The following SLAMF7 variants were observed in gnomAD, a reference collection of about 807,000 sequenced individuals.
SLAMF7 encodes the protein SLAM family member 7, also known as 19A24 protein.
In SLAMF7, 26 loss-of-function variants were observed where a neutral mutation model predicts 34.1. The observed-to-expected ratio is 0.76, with a 90% CI of 0.56 to 1.06. The LOEUF (loss-of-function observed/expected upper bound fraction) is 1.06. Among genes scored for constraint, SLAMF7 ranks in the 50% least tolerant of loss-of-function variants. SLAMF7 has a pLI of 0.00. For synonymous variants in SLAMF7, 171 were observed against 156.4 expected (o/e 1.09, Z -0.70); for missense variants, 399 against 402.5 (o/e 0.99, Z 0.07).
chr1:160,742,950 G>A (rs995422071), intron 1 of SLAMF7, among the ~76,000 whole-genome samples: 26 of 152,214 alleles, frequency 1.7e-4, no homozygotes, highest in African/African-American at 5.8e-4. Flanking sequence ...CTACGGAGGC[G>A]GCAGAATGGA....
intron 3 of SLAMF7, 58 bp downstream of exon 3, chr1:160,750,151 C>T (rs1270123228): frequency 1.3e-6 from 2 of 1,586,636 alleles, no homozygotes; most frequent in Non-Finnish European, 1.7e-6. Context: ...CCTTCTTCAG[C>T]TCCTAGCCCC....
chr1:160,744,173 T>C (rs1663958501), intron 1 of SLAMF7, among the ~76,000 whole-genome samples: 2 of 152,212 alleles, frequency 1.3e-5, no homozygotes, highest in Admixed American at 1.3e-4. Flanking sequence ...TTAGATATGG[T>C]AAAACTCTAT....
At chr1:160,748,642 G>A in intron 2 of SLAMF7, 128 bp downstream of exon 2, 3 of 834,990 alleles carry the variant, frequency 3.6e-6, no homozygotes, top group Non-Finnish European at 3.7e-6. Flanking sequence ...ACTTCTGCAT[G>A]AATGAAATAG....
Position 160,750,442 on chromosome 1 carries a change from T to C in SLAMF7, c.769+19T>C, listed in dbSNP as rs1323495782. On this transcript the variant is annotated intron_variant, in intron 4 of 6. Transcript: ENST00000368043. The stretch of plus-strand genomic sequence containing the variant: ...CAAGAAGGTAGAGCGTGTACTATTT[T>C]TGTCCTCACCCACATTCATGTTTTT... 4.3e-6 allele frequency: 7 copies of C among 1,610,616 alleles called. No homozygotes were observed. The highest frequency in any genetic ancestry group is 5.9e-6 in the Non-Finnish European group (7 of 1,178,390).
chr1:160,747,218 G>C (rs1294616647), intron 1 of SLAMF7, among the ~76,000 whole-genome samples: 1 of 152,010 alleles, frequency 6.6e-6, no homozygotes, highest in South Asian at 2.1e-4. Context: ...CTACTATTTA[G>C]TTTTCTCATC....
At chr1:160,741,658 G>A (rs1250597996) in intron 1 of SLAMF7, among the ~76,000 whole-genome samples, 4 of 152,062 alleles carry the variant, frequency 2.6e-5, no homozygotes, top group South Asian at 2.1e-4. Context: ...GAAGCCTAAC[G>A]GAAGCAAGTC....
rs747909152 is a variant in SLAMF7 at position 160,748,158 on chromosome 1, G to C, written c.56-36G>C. 4 of 1,596,724 alleles carry C rather than the reference G, an allele frequency of 2.5e-6. No individual in the cohort carries two copies. The South Asian group carries it at 4.5e-5, about 18-fold the overall frequency. The stretch of plus-strand genomic sequence containing the variant: ...GTGAGTAATTGGTGACAAGGACAGG[G>C]AATCAGGCTTATTTTATGGTTCTCT... On this transcript the variant is annotated intron_variant, in intron 1 of 6. Coordinates refer to ENST00000368043, the MANE Select transcript of SLAMF7 (RefSeq NM_021181.5).
rs1417548851 is a variant in SLAMF7 at position 160,754,769 on chromosome 1, A to G, written c.*1592A>G. On this transcript the variant is annotated 3_prime_UTR_variant, in exon 7 of 7. Coordinates refer to ENST00000368043, the MANE Select transcript of SLAMF7 (RefSeq NM_021181.5). ...CTGCAAAACCCTATTGTAGTAAAAA[A>G]GTCTTCTTTACTATCTTAATAAAAC... 6.6e-6 allele frequency: 1 copy of G among 152,384 alleles called. No individual in the cohort carries two copies. The highest frequency in any genetic ancestry group is 2.4e-5 in the African/African-American group (1 of 41,472). 9.4% of individuals were successfully genotyped at this position (152,384 alleles called of 1,614,324 possible).
upstream of SLAMF7, chr1:160,739,149 C>G (rs531897179): frequency 1.2e-4 from 87 of 724,370 alleles, no homozygotes; most frequent in African/African-American, 1.1e-3. Context: ...GTAAAATGCT[C>G]TATTCACTCT....
At chr1:160,740,929 C>G (rs1663691799) in intron 1 of SLAMF7, among the ~76,000 whole-genome samples, 1 of 152,178 alleles carries the variant, frequency 6.6e-6, no homozygotes, top group African/African-American at 2.4e-5. Context: ...AGCTAGAAAG[C>G]TAGTGCTCTT....
In SLAMF7 at chr1:160,749,867, G is replaced by T. The variant is rs759179645; in HGVS notation, c.423G>T (p.Lys141Asn). 6.2e-7 allele frequency: 1 copy of T among 1,613,524 alleles called. No homozygotes were observed. The highest frequency in any genetic ancestry group is 2.2e-5 in the East Asian group (1 of 44,870). Residue 141 changes from lysine to asparagine, a missense_variant, in exon 3 of 7, where the codon AAG becomes AAT. Coordinates refer to ENST00000368043, the MANE Select transcript of SLAMF7 (RefSeq NM_021181.5). ...PKVTMGLQSNKNGTCVTNLTC... is the reference protein window; with the variant it reads ...PKVTMGLQSNNNGTCVTNLTC... ...TCACCATGGGTCTGCAGAGCAATAA[G>T]AATGGCACCTGTGTGACCAATCTGA...
intron 6 of SLAMF7, 135 bp from the exon 7 acceptor site, chr1:160,752,971 C>G (rs1362814345): frequency 5.8e-6 from 4 of 692,020 alleles, no homozygotes; most frequent in East Asian, 5.3e-5. Flanking sequence ...TAAAATCAAA[C>G]AGTGGGAGCC....
intron 1 of SLAMF7, among the ~76,000 whole-genome samples, chr1:160,741,643 G>A (rs533239549): frequency 1.3e-5 from 2 of 152,002 alleles, no homozygotes; most frequent in African/African-American, 2.4e-5. Flanking sequence ...CCAATGTATA[G>A]AGTTGAAGCC....
intron 6 of SLAMF7, 68 bp from the exon 7 acceptor site, chr1:160,753,038 G>T: frequency 7.0e-7 from 1 of 1,435,086 alleles, no homozygotes; most frequent in East Asian, 2.3e-5. Flanking sequence ...CTGGATGTCA[G>T]GGTCTCCATG....
At chr1:160,751,616 G>A in intron 5 of SLAMF7, 168 bp downstream of exon 5, 1 of 581,340 alleles carries the variant, frequency 1.7e-6, no homozygotes, top group Non-Finnish European at 3.0e-6. Context: ...ATTCTCTTCT[G>A]TGCAGAAGAA....
At chr1:160,751,493 G>A (rs1664579965) in intron 5 of SLAMF7, 45 bp downstream of exon 5, 1 of 1,490,672 alleles carries the variant, frequency 6.7e-7, no homozygotes. Context: ...CTGTCTCTGA[G>A]GCTCTCCTTG....
intron 3 of SLAMF7, 93 bp from the exon 4 acceptor site, chr1:160,750,211 G>A (rs1473340718): frequency 6.3e-7 from 1 of 1,580,350 alleles, no homozygotes; most frequent in Non-Finnish European, 8.6e-7. Context: ...GTGGTCACCA[G>A]GCTGGGAGGA....
chr1:160,741,031 A>C (rs1028484417), intron 1 of SLAMF7, among the ~76,000 whole-genome samples: 1 of 152,188 alleles, frequency 6.6e-6, no homozygotes, highest in African/African-American at 2.4e-5. Flanking sequence ...AGGGAGTACC[A>C]GTTGGGGTTT....
At position 160,751,351 on chromosome 1, in the gene SLAMF7, T is replaced by C. The variant is rs1664561511; in HGVS notation, c.776T>C (p.Ile259Thr). 2 of 1,613,060 alleles carry C rather than the reference T, an allele frequency of 1.2e-6. No homozygotes were observed. The highest frequency in any genetic ancestry group is 2.7e-5 in the African/African-American group (2 of 74,866). Residue 259 changes from isoleucine to threonine, a missense_variant, in exon 5 of 7, where the codon ATT (isoleucine) becomes ACT (threonine). Transcript: ENST00000368043. ...TCTCCCAACTTGCTTTTAGAGTACA[T>C]TGAAGAGAAGAAGAGAGTGGACATT... ...FLKRERQEEY[I>T]EEKKRVDICR...
Sources: gnomAD v4.1 joint callset for allele counts (sites outside exome capture counted in the v4.1 genomes callset) on GRCh38, gnomAD v4.1.1 for gene constraint, MANE v1.5 for transcripts, NCBI Gene and HGNC (gene_info 2026-07-23, HGNC 2026-07-21) for gene names.